Variants in NUF2 observed in about 807,000 individuals in gnomAD.
NUF2 encodes the protein NUF2 component of NDC80 kinetochore complex, also known as kinetochore protein Nuf2.
In NUF2, 34 loss-of-function variants were observed where a neutral mutation model predicts 61.8. The ratio of observed to expected loss-of-function variants is 0.55; its 90% confidence interval spans 0.42 to 0.73. NUF2 has a LOEUF of 0.73. Among genes scored for constraint, NUF2 ranks in the 30% least tolerant of loss-of-function variants. NUF2 has a pLI of 0.00. For synonymous variants in NUF2, 172 were observed against 181.6 expected, an observed-to-expected ratio of 0.95 and a Z score of 0.42; for missense variants, 445 against 539.1, an observed-to-expected ratio of 0.83 and a Z score of 1.73.
intron 6 of NUF2, 29 bp from the exon 7 acceptor site, chr1:163,337,991 A>G (rs1390451551): frequency 3.9e-6 from 6 of 1,548,060 alleles, no homozygotes; most frequent in Non-Finnish European, 5.4e-6. Flanking sequence ...AAATGCACTA[A>G]TATGAGATGA....
chr1:163,329,118 TG>T (rs1461996237), intron 5 of NUF2, among the ~76,000 whole-genome samples: 3 of 152,240 alleles, frequency 2.0e-5, no homozygotes, highest in South Asian at 2.1e-4. Context: ...GTTTTTCTGA[TG>T]TTTTTTTAAA....
chr1:163,344,899 G>A (rs1651070129), intron 10 of NUF2, among the ~76,000 whole-genome samples: 1 of 151,858 alleles, frequency 6.6e-6, no homozygotes, highest in African/African-American at 2.4e-5. Context: ...AAAGGGTGTT[G>A]GGTCTACACT....
rs1651188130 is a variant in NUF2, at chr1:163,347,947, T to C, written c.1124+9T>C. Reference sequence around the variant, plus strand: ...AAACGCACAGTAATTGAGTATGGAGTTGTTTTCAATTTTAGTGTATTAGAA... The same window carrying C: ...AAACGCACAGTAATTGAGTATGGAGCTGTTTTCAATTTTAGTGTATTAGAA... On this transcript the variant is annotated intron_variant, in intron 12 of 13. Transcript: ENST00000271452. 2.0e-6 allele frequency: 3 copies of C among 1,478,518 alleles called. No individual in the cohort carries two copies. The African/African-American group carries it at 4.3e-5, about 21-fold the overall frequency. 91.6% of individuals were successfully genotyped at this position (1,478,518 alleles called of 1,614,324 possible).
chr1:163,339,179 A>G (rs1392899583), intron 7 of NUF2: 17 of 516,154 alleles, frequency 3.3e-5, no homozygotes, highest in Non-Finnish European at 5.8e-5. Context: ...GATAGTAGAA[A>G]ACTGAAGGAG....
chr1:163,347,567 T>G (rs1229102979), intron 11 of NUF2, among the ~76,000 whole-genome samples, 196 bp from the exon 12 acceptor site: 1 of 152,214 alleles, frequency 6.6e-6, no homozygotes, highest in Non-Finnish European at 1.5e-5. Context: ...GTCATGTCCT[T>G]TCTCAGTATC....
chr1:163,333,872 A>G (rs977340028), intron 5 of NUF2, among the ~76,000 whole-genome samples: 3 of 152,158 alleles, frequency 2.0e-5, no homozygotes, highest in Non-Finnish European at 2.9e-5. Context: ...TCTTACATAC[A>G]TATATTGTGT....
chr1:163,348,038 G>C lies in NUF2; in HGVS notation c.1124+100G>C, dbSNP rs544684513. On this transcript the variant is annotated intron_variant, in intron 12 of 13. Transcript: ENST00000271452. ...CAAAACCTCGGTATTTTCCAAAAGA[G>C]TTTAAACAGCTTTATCTTTATTTCA... The C allele has an allele frequency of 1.6e-5, 13 of 802,012 alleles. No homozygotes were observed. The East Asian group carries it at 4.1e-4, about 25-fold the overall frequency. 49.7% of individuals were successfully genotyped at this position (802,012 alleles called of 1,614,324 possible).
At chr1:163,355,285 T>G in intron 13 of NUF2, 50 bp from the exon 14 acceptor site, 1 of 1,405,386 alleles carries the variant, frequency 7.1e-7, no homozygotes, top group Non-Finnish European at 9.8e-7. Flanking sequence ...TCATTTGTAG[T>G]TTAGGTTGTT....
In NUF2 at chr1:163,322,101, G is replaced by C. The variant is rs989782387; in HGVS notation, c.-132G>C. On this transcript the variant is annotated 5_prime_UTR_variant, in exon 1 of 14. Coordinates refer to ENST00000271452, the MANE Select transcript of NUF2 (RefSeq NM_145697.3). ...AGAGGACGGAGGAAGGAAGCCTGCAGACAGACGCCTTCTCCATCCCAAGGC... is the reference window on the plus strand; with the variant it reads ...AGAGGACGGAGGAAGGAAGCCTGCACACAGACGCCTTCTCCATCCCAAGGC... The C allele has an allele frequency of 6.6e-6, 1 of 152,328 alleles. No homozygotes were observed. The highest frequency in any genetic ancestry group is 2.4e-5 in the African/African-American group (1 of 41,464). The allele number at this position is 152,328 out of a possible 1,614,324, so 9.4% of individuals were successfully genotyped here. A position where few individuals can be genotyped will look rare whatever the true frequency, so the allele number is the denominator to read the frequency against.
At chr1:163,349,148 A>C (rs1651229825) in intron 13 of NUF2, 68 bp downstream of exon 13, 2 of 1,342,482 alleles carry the variant, frequency 1.5e-6, no homozygotes. Context: ...TAACTGAAAC[A>C]AAACAGCTTA....
intron 5 of NUF2, among the ~76,000 whole-genome samples, 194 bp from the exon 6 acceptor site, chr1:163,336,557 C>A (rs1557950131): frequency 6.6e-6 from 1 of 150,646 alleles, no homozygotes; most frequent in Non-Finnish European, 1.5e-5. Flanking sequence ...AGTGGTTTAC[C>A]TTTTTTTTTA....
chr1:163,349,233 A>T (rs1422583611), intron 13 of NUF2, among the ~76,000 whole-genome samples, 153 bp downstream of exon 13: 3 of 152,136 alleles, frequency 2.0e-5, no homozygotes, highest in African/African-American at 7.2e-5. Flanking sequence ...GAATATATTT[A>T]CTGTAAAGCT....
At chr1:163,326,447 T>A (rs1343336262) in intron 2 of NUF2, among the ~76,000 whole-genome samples, 1 of 151,692 alleles carries the variant, frequency 6.6e-6, no homozygotes, top group Non-Finnish European at 1.5e-5. Context: ...TATATTAAAT[T>A]TTTTATTATT....
intron 2 of NUF2, 58 bp downstream of exon 2, chr1:163,326,232 T>C (rs1230328860): frequency 6.4e-7 from 1 of 1,567,686 alleles, no homozygotes; most frequent in African/African-American, 1.4e-5. Context: ...AGTAAGCTAC[T>C]AGGTCTATTG....
chr1:163,352,433 A>G (rs12401361), intron 13 of NUF2, among the ~76,000 whole-genome samples: 6,092 of 152,258 alleles, frequency 0.04, 150 homozygotes, highest in South Asian at 0.086. Flanking sequence ...AACAAGGGCC[A>G]TTTTCCTTCA....
At chr1:163,344,460 T>TAA (rs60467814) in intron 10 of NUF2, among the ~76,000 whole-genome samples, 60,270 of 147,798 alleles carry the variant, frequency 0.41, 12,613 homozygotes, top group South Asian at 0.58. Context: ...GATCGTAGCA[T>TAA]AAAAAAAAAG....
chr1:163,339,148 T>C (rs1357840626), intron 7 of NUF2: 1 of 463,710 alleles, frequency 2.2e-6, no homozygotes, highest in Non-Finnish European at 3.9e-6. Flanking sequence ...TAGGTATGTG[T>C]GTGGATGGAT....
At chr1:163,345,656 C>T in intron 10 of NUF2, 22 bp from the exon 11 acceptor site, 1 of 1,594,222 alleles carries the variant, frequency 6.3e-7, no homozygotes, top group Non-Finnish European at 8.5e-7. Flanking sequence ...AAACTGTGGT[C>T]TCTGTTTTTT....
At chr1:163,332,193 A>C (rs1650618823) in intron 5 of NUF2, among the ~76,000 whole-genome samples, 1 of 152,026 alleles carries the variant, frequency 6.6e-6, no homozygotes, top group Non-Finnish European at 1.5e-5. Context: ...TATTGGGTTC[A>C]AGATATTTTC....
Sources: gnomAD v4.1 joint callset for allele counts (sites outside exome capture counted in the v4.1 genomes callset) on GRCh38, gnomAD v4.1.1 for gene constraint, MANE v1.5 for transcripts, NCBI Gene and HGNC (gene_info 2026-07-23, HGNC 2026-07-21) for gene names.